The following CADM2 variants were observed in gnomAD, a reference collection of about 807,000 sequenced individuals.
CADM2 encodes immunoglobulin superfamily member 4D.
In CADM2, 12 loss-of-function variants were observed where a neutral mutation model predicts 49.8. The observed-to-expected ratio is 0.24, with a 90% CI of 0.15 to 0.39. The LOEUF (loss-of-function observed/expected upper bound fraction) is 0.39. Among genes scored for constraint, CADM2 ranks in the 10% least tolerant of loss-of-function variants. The pLI is 1.00. For synonymous variants in CADM2, 214 were observed against 175.4 expected, an observed-to-expected ratio of 1.22 and a Z score of -1.74; for missense variants, 378 against 492.3, an observed-to-expected ratio of 0.77 and a Z score of 2.20.
At chr3:85,410,705 G>T (rs1212028570) in intron 1 of CADM2, among the ~76,000 whole-genome samples, 5 of 152,132 alleles carry the variant, frequency 3.3e-5, no homozygotes, top group Admixed American at 2.6e-4. Flanking sequence ...AAGGCAATTT[G>T]GAGTGAAAAG....
intron 1 of CADM2, among the ~76,000 whole-genome samples, chr3:85,131,091 G>C (rs2039212984): frequency 6.6e-6 from 1 of 151,932 alleles, no homozygotes; most frequent in Non-Finnish European, 1.5e-5. Flanking sequence ...AGGCAGGAGA[G>C]TCACTTGAAC....
chr3:85,194,320 A>T (rs750148883), intron 1 of CADM2, among the ~76,000 whole-genome samples: 2 of 152,090 alleles, frequency 1.3e-5, no homozygotes, highest in Non-Finnish European at 2.9e-5. Context: ...AGCGTAGACT[A>T]CTGAGTATGT....
chr3:85,075,375 ATGAC>A (rs2036906802), intron 1 of CADM2, among the ~76,000 whole-genome samples: 1 of 152,162 alleles, frequency 6.6e-6, no homozygotes, highest in African/African-American at 2.4e-5. Flanking sequence ...GTGAAAATAA[ATGAC>A]TATCTTCAAT....
intron 1 of CADM2, among the ~76,000 whole-genome samples, chr3:85,046,621 A>C (rs1196179788): frequency 6.6e-6 from 1 of 152,010 alleles, no homozygotes; most frequent in Non-Finnish European, 1.5e-5. Context: ...TTAGGATAAC[A>C]TCTTAAAATT....
chr3:85,905,859 T>C (rs1716732295), intron 5 of CADM2, among the ~76,000 whole-genome samples: 1 of 152,138 alleles, frequency 6.6e-6, no homozygotes, highest in African/African-American at 2.4e-5. Flanking sequence ...CATAGAAATA[T>C]TGTAATATAT....
At chr3:85,299,732 T>G (rs929191212) in intron 1 of CADM2, among the ~76,000 whole-genome samples, 6 of 152,016 alleles carry the variant, frequency 3.9e-5, no homozygotes, top group African/African-American at 1.2e-4. Flanking sequence ...ATTTTTCTCT[T>G]ATCTATATTA....
chr3:85,234,394 T>A (rs1434831468), intron 1 of CADM2, among the ~76,000 whole-genome samples: 5 of 152,086 alleles, frequency 3.3e-5, no homozygotes, highest in Non-Finnish European at 5.9e-5. Context: ...TAAACAAACC[T>A]CCTAATCTCT....
intron 2 of CADM2, among the ~76,000 whole-genome samples, chr3:85,741,837 TA>T: frequency 6.6e-6 from 1 of 152,238 alleles, no homozygotes; most frequent in Non-Finnish European, 1.5e-5. Context: ...TTATTTTCCT[TA>T]AAAAATCATT....
intron 2 of CADM2, among the ~76,000 whole-genome samples, chr3:85,794,164 A>G (rs1475093050): frequency 6.6e-6 from 1 of 152,122 alleles, no homozygotes; most frequent in East Asian, 1.9e-4. Context: ...TGATACTAAT[A>G]TATCTTTAAG....
At chr3:85,876,169 T>C (rs570068957) in intron 3 of CADM2, among the ~76,000 whole-genome samples, 2 of 152,304 alleles carry the variant, frequency 1.3e-5, no homozygotes, top group South Asian at 4.1e-4. Flanking sequence ...TAAAGTCTTA[T>C]GAGTGTAAAT....
At chr3:85,935,302 A>G (rs1419898324) in intron 6 of CADM2, among the ~76,000 whole-genome samples, 1 of 152,082 alleles carries the variant, frequency 6.6e-6, no homozygotes, top group Non-Finnish European at 1.5e-5. Context: ...TCTGCATAAT[A>G]CTTGTGAGAC....
rs1213130720 is a variant in CADM2, at chr3:86,072,306, T to C, written c.*5523T>C. The C allele has an allele frequency of 6.6e-6, 1 of 151,208 alleles. No homozygotes were observed. Among genetic ancestry groups the C allele is most frequent in the Non-Finnish European group, 1.5e-5 (1 of 67,800 alleles). The allele number at this position is 151,208 out of a possible 1,614,324, so 9.4% of individuals were successfully genotyped here. A position where few individuals can be genotyped will look rare whatever the true frequency, so the allele number is the denominator to read the frequency against. On this transcript the variant is annotated 3_prime_UTR_variant, in exon 10 of 10. Transcript: ENST00000383699. ...TATGCATATATATATCAAGAAGTTA[T>C]ATATATATAACTCAAGAAACTCAAG...
intron 7 of CADM2, among the ~76,000 whole-genome samples, chr3:85,942,551 T>G (rs979192007): frequency 2.0e-5 from 3 of 148,044 alleles, no homozygotes; most frequent in African/African-American, 4.9e-5. Context: ...GATCTCATTG[T>G]TCAATTCCCA....
intron 1 of CADM2, among the ~76,000 whole-genome samples, chr3:85,195,501 T>A (rs1359252354): frequency 6.6e-6 from 1 of 151,222 alleles, no homozygotes; most frequent in Non-Finnish European, 1.5e-5. Flanking sequence ...ATAATAAAAA[T>A]ATATATTTTG....
chr3:85,946,070 C>A (rs1214514025), intron 7 of CADM2, among the ~76,000 whole-genome samples: 1 of 152,164 alleles, frequency 6.6e-6, no homozygotes, highest in Non-Finnish European at 1.5e-5. Context: ...TGATAAGCAA[C>A]TTCAGCAAAG....
intron 1 of CADM2, among the ~76,000 whole-genome samples, chr3:85,156,836 C>G (rs955367060): frequency 6.6e-6 from 1 of 152,088 alleles, no homozygotes; most frequent in Admixed American, 6.6e-5. Flanking sequence ...AAGTTCTGGC[C>G]AGGGCAATTA....
intron 1 of CADM2, among the ~76,000 whole-genome samples, chr3:85,649,757 T>C (rs1404095065): frequency 1.3e-5 from 2 of 152,128 alleles, no homozygotes; most frequent in Non-Finnish European, 2.9e-5. Flanking sequence ...CACTCATGCT[T>C]TGTGTCTCAT....
At chr3:85,614,916 A>G (rs1005717390) in intron 1 of CADM2, among the ~76,000 whole-genome samples, 16 of 151,976 alleles carry the variant, frequency 1.1e-4, no homozygotes, top group African/African-American at 3.6e-4. Flanking sequence ...GTCTTTTCAT[A>G]TAAATGTTAA....
intron 1 of CADM2, among the ~76,000 whole-genome samples, chr3:85,516,427 A>G (rs2060904813): frequency 1.3e-5 from 2 of 152,180 alleles, no homozygotes; most frequent in Admixed American, 6.5e-5. Flanking sequence ...TTCTTATAGT[A>G]AGGAAACATA....
Sources: gnomAD v4.1 joint callset for allele counts (sites outside exome capture counted in the v4.1 genomes callset) on GRCh38, gnomAD v4.1.1 for gene constraint, MANE v1.5 for transcripts, NCBI Gene and HGNC (gene_info 2026-07-23, HGNC 2026-07-21) for gene names.